Variants in SLC2A10 observed in about 807,000 individuals in gnomAD.
SLC2A10 encodes the protein solute carrier family 2, facilitated glucose transporter member 10.
In SLC2A10, 25 loss-of-function variants were observed where a neutral mutation model predicts 32.1. That is an observed-to-expected ratio of 0.78 (90% confidence interval 0.57 to 1.09). The LOEUF is 1.09. Ranked by LOEUF, SLC2A10 falls within the 50% of genes least tolerant of loss-of-function variation. SLC2A10 has a pLI of 0.00. For synonymous variants in SLC2A10, 332 were observed against 309.6 expected, an observed-to-expected ratio of 1.07 and a Z score of -0.76; for missense variants, 673 against 686.5, an observed-to-expected ratio of 0.98 and a Z score of 0.22.
At position 46,729,710 on chromosome 20, in the gene SLC2A10, C is replaced by T. The variant is rs931081087; in HGVS notation, c.1547+222C>T. 2.3e-4 allele frequency among the ~76,000 whole-genome samples: 32 copies of T among 140,862 alleles called. No homozygotes were observed. In the South Asian group the frequency reaches 5.9e-3, roughly 26 times the overall value. 92.4% of individuals were successfully genotyped at this position (140,862 alleles called of 152,430 possible). ...AGGCTGGAGTGCAGTGGCGCCATCT[C>T]GGCTCACTGCAAGCTCCGCCTCCCG... On this transcript the variant is annotated intron_variant, in intron 4 of 4. Transcript: ENST00000359271.
At chr20:46,722,065 A>T (rs750530321) in intron 1 of SLC2A10, among the ~76,000 whole-genome samples, 35 of 152,214 alleles carry the variant, frequency 2.3e-4, no homozygotes, top group Non-Finnish European at 3.2e-4. Context: ...ATATTTTTAT[A>T]TATTCTTGGA....
At chr20:46,728,355 C>T (rs1378350423) in intron 3 of SLC2A10, among the ~76,000 whole-genome samples, 2 of 152,132 alleles carry the variant, frequency 1.3e-5, no homozygotes, top group South Asian at 2.1e-4. Context: ...TTGTCTTCCA[C>T]CTTGACAAAG....
chr20:46,723,097 C>T (rs1244506029), intron 1 of SLC2A10, among the ~76,000 whole-genome samples: 1 of 152,146 alleles, frequency 6.6e-6, no homozygotes, highest in East Asian at 1.9e-4. Flanking sequence ...TGGAGATTGA[C>T]AATCCATTGT....
chr20:46,712,033 A>G (rs992582966), intron 1 of SLC2A10, among the ~76,000 whole-genome samples: 5 of 152,172 alleles, frequency 3.3e-5, no homozygotes, highest in African/African-American at 1.2e-4. Flanking sequence ...CCTTGGGGAA[A>G]TGTCTTCACC....
At chr20:46,723,507 A>G (rs1043911098) in intron 1 of SLC2A10, among the ~76,000 whole-genome samples, 2 of 152,196 alleles carry the variant, frequency 1.3e-5, no homozygotes, top group African/African-American at 2.4e-5. Flanking sequence ...TCTCCATACA[A>G]CAGCAAGAGC....
In SLC2A10 at chr20:46,729,625, GTTTTTTTTTTTTTTTTTTTTTTTT is replaced by G. The variant is rs68037732; in HGVS notation, c.1547+148_1547+171del. 19 of 318,256 alleles carry G rather than the reference GTTTTTTTTTTTTTTTTTTTTTTTT, an allele frequency of 6.0e-5. 1 individual carries two copies. Among genetic ancestry groups the G allele is most frequent in the Non-Finnish European group, 1.0e-4 (19 of 185,826 alleles). The allele number at this position is 318,256 out of a possible 1,614,324, so 19.7% of individuals were successfully genotyped here. ...CTTCCTTATTGCCTGGGCACTATGA[GTTTTTTTTTTTTTTTTTTTTTTTT>G]TTTTTTTTTTGAGATGGAGTCTCGC... is the stretch of plus-strand genomic sequence containing the variant. On this transcript the variant is annotated intron_variant, in intron 4 of 4. Coordinates refer to ENST00000359271, the MANE Select transcript of SLC2A10 (RefSeq NM_030777.4).
intron 1 of SLC2A10, among the ~76,000 whole-genome samples, chr20:46,711,328 G>C (rs1978900952): frequency 6.6e-6 from 1 of 152,168 alleles, no homozygotes; most frequent in Non-Finnish European, 1.5e-5. Context: ...CTATGGAGAG[G>C]AGAAGCTGGG....
chr20:46,730,186 C>A (rs535321607), intron 4 of SLC2A10, among the ~76,000 whole-genome samples: 9 of 152,130 alleles, frequency 5.9e-5, no homozygotes, highest in Non-Finnish European at 1.3e-4. Context: ...GGGCTTCATG[C>A]ATTCATTCCG....
intron 1 of SLC2A10, among the ~76,000 whole-genome samples, chr20:46,712,651 C>CTTTTTTTTTT (rs11477202): frequency 1.3e-3 from 122 of 94,382 alleles, no homozygotes; most frequent in Non-Finnish European, 1.7e-3. Context: ...TTCTTTCTTT[C>CTTTTTTTTTT]TTTTTTTTTT....
At chr20:46,714,930 C>CT (rs1979144788) in intron 1 of SLC2A10, among the ~76,000 whole-genome samples, 1 of 152,188 alleles carries the variant, frequency 6.6e-6, no homozygotes, top group South Asian at 2.1e-4. Context: ...CCTCTGCCTC[C>CT]TGCACCCCAG....
At chr20:46,717,076 A>G (rs536528782) in intron 1 of SLC2A10, among the ~76,000 whole-genome samples, 40 of 152,178 alleles carry the variant, frequency 2.6e-4, no homozygotes, top group Non-Finnish European at 4.3e-4. Context: ...TCAAGGGCTC[A>G]TTTTCTACAT....
chr20:46,727,010 G>T (rs767829938), intron 3 of SLC2A10, 24 bp downstream of exon 3: 4 of 1,613,634 alleles, frequency 2.5e-6, no homozygotes, highest in Non-Finnish European at 3.4e-6. Context: ...AGACAAGTCC[G>T]TTTTTTTTCT....
upstream of SLC2A10, chr20:46,709,614 A>G (rs1338052952): frequency 7.9e-7 from 1 of 1,273,150 alleles, no homozygotes; most frequent in East Asian, 2.9e-5. Flanking sequence ...AGGGCAGGGC[A>G]GGAGGGACAG....
intron 4 of SLC2A10, among the ~76,000 whole-genome samples, chr20:46,732,054 C>T (rs1211354783): frequency 6.6e-6 from 1 of 152,226 alleles, no homozygotes; most frequent in Non-Finnish European, 1.5e-5. Flanking sequence ...CCGTCACCCA[C>T]TGCTGTAGGG....
intron 4 of SLC2A10, among the ~76,000 whole-genome samples, chr20:46,733,002 G>T (rs1049037002): frequency 3.3e-5 from 5 of 152,192 alleles, no homozygotes; most frequent in African/African-American, 1.2e-4. Flanking sequence ...GGAGGGGTTG[G>T]TGTGGGGGAG....
In SLC2A10 at chr20:46,725,273, C is replaced by T. The variant is rs201323237; in HGVS notation, c.237C>T (p.Leu79=). The T allele has an allele frequency of 4.0e-4, 641 of 1,614,168 alleles. 6 individuals carry two copies. In the South Asian group the frequency reaches 5.7e-3, roughly 14 times the overall value. The stretch of plus-strand genomic sequence containing the variant: ...GCTATGGCAGGAAGCAAGCCATCCT[C>T]GGGAGCAACTTGGTGCTGCTGGCAG... ...IDCYGRKQAI[L]GSNLVLLAGS... is the part of the protein sequence containing the mutation. Residue 79 remains leucine, a synonymous_variant, in exon 2 of 5, where the codon CTC becomes CTT. Transcript: ENST00000359271.
chr20:46,712,651 C>CTTTTTTTTTTTTTTTTTTTTTTTTTT (rs11477202), intron 1 of SLC2A10, among the ~76,000 whole-genome samples: 1 of 94,420 alleles, frequency 1.1e-5, no homozygotes. Flanking sequence ...TTCTTTCTTT[C>CTTTTTTTTTTTTTTTTTTTTTTTTTT]TTTTTTTTTT....
intron 3 of SLC2A10, among the ~76,000 whole-genome samples, chr20:46,728,731 C>CCTCA (rs1980117348): frequency 6.6e-6 from 1 of 151,528 alleles, no homozygotes; most frequent in African/African-American, 2.4e-5. Flanking sequence ...AATCCTCCAG[C>CCTCA]CTCAGCCTCC....
At chr20:46,731,573 G>A (rs565965231) in intron 4 of SLC2A10, among the ~76,000 whole-genome samples, 6 of 152,262 alleles carry the variant, frequency 3.9e-5, no homozygotes, top group Admixed American at 2.6e-4. Context: ...CTGCAGCTGC[G>A]GGGTGTCAGC....
Sources: gnomAD v4.1 joint callset for allele counts (sites outside exome capture counted in the v4.1 genomes callset) on GRCh38, gnomAD v4.1.1 for gene constraint, MANE v1.5 for transcripts, NCBI Gene and HGNC (gene_info 2026-07-23, HGNC 2026-07-21) for gene names.